Variants in NUDCD3 observed in about 807,000 individuals in gnomAD.
NUDCD3 encodes the protein nudC domain-containing protein 3.
NUDCD3 carries 13 observed loss-of-function variants against 39.7 expected under a neutral mutation model. The observed-to-expected ratio is 0.33, with a 90% CI of 0.21 to 0.52. The LOEUF is 0.52. NUDCD3 is among the 20% of genes least tolerant of loss of function. NUDCD3 has a pLI of 0.96. For synonymous variants in NUDCD3, 175 were observed against 172.4 expected (o/e 1.02, Z -0.12); for missense variants, 453 against 458.1 (o/e 0.99, Z 0.10).
chr7:44,384,445 G>A lies in NUDCD3; in HGVS notation c.*1566C>T, dbSNP rs767477333. On this transcript the variant is annotated 3_prime_UTR_variant, in exon 6 of 6. Coordinates refer to ENST00000355451, the MANE Select transcript of NUDCD3 (RefSeq NM_015332.4). Reference sequence around the variant, plus strand: ...ACAACAAGACTCTCACATTCCAAAGGGGGTATCTAGGGCCTTTTGCTCTCC... The same window carrying A: ...ACAACAAGACTCTCACATTCCAAAGAGGGTATCTAGGGCCTTTTGCTCTCC... The A allele has an allele frequency of 6.6e-6, 1 of 152,222 alleles. No homozygotes were observed. The highest frequency in any genetic ancestry group is 2.4e-5 in the African/African-American group (1 of 41,434). 9.4% of individuals were successfully genotyped at this position (152,222 alleles called of 1,614,324 possible).
chr7:44,470,779 A>G (rs553081834), intron 2 of NUDCD3, among the ~76,000 whole-genome samples: 58 of 152,382 alleles, frequency 3.8e-4, no homozygotes, highest in African/African-American at 1.4e-3. Flanking sequence ...TCTACTAGCA[A>G]GTTTAACTTT....
intron 2 of NUDCD3, chr7:44,481,175 T>A (rs1037176376): frequency 1.3e-5 from 2 of 152,170 alleles, no homozygotes; most frequent in Non-Finnish European, 2.9e-5. Flanking sequence ...CTGTTTTATA[T>A]AAGAGACCTA....
chr7:44,387,188 G>T (rs1232869435), intron 5 of NUDCD3, among the ~76,000 whole-genome samples: 1 of 152,000 alleles, frequency 6.6e-6, no homozygotes, highest in African/African-American at 2.4e-5. Context: ...TACAGATAGG[G>T]TCTCACTCTG....
In NUDCD3 at chr7:44,482,258, G is replaced by C. The variant is rs142643775; in HGVS notation, c.509+2710C>G. Among the ~76,000 whole-genome samples the C allele has an allele frequency of 6.3e-3, 953 of 152,218 alleles. 8 individuals carry two copies. Among genetic ancestry groups the C allele is most frequent in the African/African-American group, 0.022 (898 of 41,522 alleles). Reference sequence around the variant, plus strand: ...CTCCATGAGACAAGTAGGAAACCTGGGTAACTGACATGGACAATCCCTAGA... The same window carrying C: ...CTCCATGAGACAAGTAGGAAACCTGCGTAACTGACATGGACAATCCCTAGA... On this transcript the variant is annotated intron_variant, in intron 2 of 5. Coordinates refer to ENST00000355451, the MANE Select transcript of NUDCD3 (RefSeq NM_015332.4).
Position 44,380,074 on chromosome 7 carries a change from T to A in NUDCD3, c.*5937A>T, listed in dbSNP as rs73101788. The A allele has an allele frequency of 0.046, 6,935 of 152,308 alleles. 233 individuals carry two copies. The highest frequency in any genetic ancestry group is 0.09 in the African/African-American group (3,730 of 41,526). 9.4% of individuals were successfully genotyped at this position (152,308 alleles called of 1,614,324 possible). On this transcript the variant is annotated 3_prime_UTR_variant, in exon 6 of 6. Transcript: ENST00000355451. ...TTAGGTATACCTTCCTACCAGGACA[T>A]GAGAGCCCACAGTGGCTGGGGTCTT...
intron 2 of NUDCD3, among the ~76,000 whole-genome samples, chr7:44,454,817 C>A (rs1799862261): frequency 6.6e-6 from 1 of 152,000 alleles, no homozygotes; most frequent in African/African-American, 2.4e-5. Flanking sequence ...CCTGTGATCC[C>A]AACTACTCCA....
intron 3 of NUDCD3, among the ~76,000 whole-genome samples, chr7:44,424,385 A>G (rs908787742): frequency 1.3e-5 from 2 of 152,198 alleles, no homozygotes; most frequent in East Asian, 1.9e-4. Flanking sequence ...AATTTTTGCA[A>G]TCTATCCATC....
chr7:44,485,515 A>G, intron 1 of NUDCD3: 1 of 501,726 alleles, frequency 2.0e-6, no homozygotes, highest in East Asian at 3.2e-5. Flanking sequence ...AGCCAAGGCT[A>G]ACAATATTTA....
intron 3 of NUDCD3, among the ~76,000 whole-genome samples, chr7:44,416,741 C>A (rs1799032601): frequency 6.6e-6 from 1 of 152,108 alleles, no homozygotes; most frequent in South Asian, 2.1e-4. Context: ...AAAAGAAGTC[C>A]CTTCCTTCCA....
At position 44,444,908 on chromosome 7, in the gene NUDCD3, T is replaced by C. The variant is rs191869028; in HGVS notation, c.510-17205A>G. Among the ~76,000 whole-genome samples, 4 of 152,354 alleles carry C rather than the reference T, an allele frequency of 2.6e-5. 1 individual carries two copies. Among genetic ancestry groups the C allele is most frequent in the African/African-American group, 9.6e-5 (4 of 41,584 alleles). On this transcript the variant is annotated intron_variant, in intron 2 of 5. Transcript: ENST00000355451. ...CATCTTGAGTCAGTTTCTTCCCACC[T>C]TACCTTCCAATATGCCCCACTGTGA...
intron 2 of NUDCD3, among the ~76,000 whole-genome samples, chr7:44,466,320 T>C (rs1308263958): frequency 1.3e-5 from 2 of 152,242 alleles, no homozygotes; most frequent in Admixed American, 1.3e-4. Flanking sequence ...CATACCCATA[T>C]GCCCTGAACA....
At chr7:44,483,957 T>C (rs934472840) in intron 2 of NUDCD3, among the ~76,000 whole-genome samples, 8 of 152,140 alleles carry the variant, frequency 5.3e-5, no homozygotes, top group African/African-American at 1.9e-4. Flanking sequence ...TATATTGCGC[T>C]ATGATCACAC....
chr7:44,437,620 T>C (rs1382410774), intron 2 of NUDCD3, among the ~76,000 whole-genome samples: 1 of 152,192 alleles, frequency 6.6e-6, no homozygotes, highest in Non-Finnish European at 1.5e-5. Context: ...CTGATACTGT[T>C]TGATTAGTCA....
At chr7:44,481,926 G>C (rs143363097) in intron 2 of NUDCD3, among the ~76,000 whole-genome samples, 1 of 152,100 alleles carries the variant, frequency 6.6e-6, no homozygotes. Context: ...AGGTAACTAC[G>C]AATCAGAATG....
intron 5 of NUDCD3, among the ~76,000 whole-genome samples, chr7:44,391,609 G>A (rs754913657): frequency 2.6e-5 from 4 of 152,270 alleles, no homozygotes; most frequent in African/African-American, 4.8e-5. Context: ...CTGCGTCCGC[G>A]TGCCCTGCTG....
chr7:44,462,497 G>A (rs1029214708), intron 2 of NUDCD3, among the ~76,000 whole-genome samples: 2 of 152,170 alleles, frequency 1.3e-5, no homozygotes, highest in South Asian at 4.1e-4. Context: ...AATATTATTA[G>A]CTTAACTTTT....
At chr7:44,419,397 G>T (rs1799093933) in intron 3 of NUDCD3, among the ~76,000 whole-genome samples, 1 of 152,204 alleles carries the variant, frequency 6.6e-6, no homozygotes, top group Non-Finnish European at 1.5e-5. Flanking sequence ...GGACGGCTGT[G>T]GGCGCAGCTT....
intron 4 of NUDCD3, 97 bp from the exon 5 acceptor site, chr7:44,392,582 A>G (rs1449952879): frequency 9.1e-7 from 1 of 1,099,152 alleles, no homozygotes; most frequent in Admixed American, 2.0e-5. Flanking sequence ...GGTGTCCAGG[A>G]TAAGCTCAGG....
At chr7:44,486,722 ATC>A (rs895264139) in intron 1 of NUDCD3, among the ~76,000 whole-genome samples, 2 of 152,074 alleles carry the variant, frequency 1.3e-5, no homozygotes, top group African/African-American at 4.8e-5. Flanking sequence ...AAGCAACAAG[ATC>A]TCTCTCTCCT....
Sources: allele counts gnomAD v4.1 joint callset (sites outside exome capture counted in the v4.1 genomes callset), GRCh38; gene constraint gnomAD v4.1.1; transcripts MANE v1.5; gene names NCBI Gene and HGNC (gene_info 2026-07-23, HGNC 2026-07-21).